The following ATP6V0A2 variants were observed in gnomAD, a reference collection of about 807,000 sequenced individuals.
ATP6V0A2 encodes the protein V-type proton ATPase 116 kDa subunit a 2.
ATP6V0A2 carries 58 observed loss-of-function variants against 104.4 expected under a neutral mutation model. The ratio of observed to expected loss-of-function variants is 0.56; its 90% CI spans 0.45 to 0.69. The LOEUF is 0.69. Among genes scored for constraint, ATP6V0A2 ranks in the 30% least tolerant of loss-of-function variants. The pLI is 0.00. For synonymous variants in ATP6V0A2, 376 were observed against 397.9 expected, an observed-to-expected ratio of 0.95 and a Z score of 0.65; for missense variants, 938 against 1,062.9, an observed-to-expected ratio of 0.88 and a Z score of 1.63.
At chr12:123,738,351 G>A (rs1186689767) in intron 9 of ATP6V0A2, among the ~76,000 whole-genome samples, 1 of 151,168 alleles carries the variant, frequency 6.6e-6, no homozygotes, top group Non-Finnish European at 1.5e-5. Context: ...CCAAGATGGC[G>A]CCATTGCACT....
At chr12:123,716,662 G>C (rs1305289993) in intron 1 of ATP6V0A2, among the ~76,000 whole-genome samples, 1 of 151,002 alleles carries the variant, frequency 6.6e-6, no homozygotes, top group Non-Finnish European at 1.5e-5. Flanking sequence ...GTGGTGGCAC[G>C]TGCCTTTAAT....
At chr12:123,716,617 C>A (rs1207877894) in intron 1 of ATP6V0A2, among the ~76,000 whole-genome samples, 2 of 151,766 alleles carry the variant, frequency 1.3e-5, no homozygotes, top group African/African-American at 4.8e-5. Flanking sequence ...ATGGCGAAAC[C>A]CCATCTCTAC....
intron 6 of ATP6V0A2, among the ~76,000 whole-genome samples, chr12:123,729,322 G>GTTTTTTT (rs71308012): frequency 1.8e-5 from 2 of 113,890 alleles, no homozygotes; most frequent in South Asian, 3.0e-4. Context: ...CAAGGAGGCT[G>GTTTTTTT]TTTTTTTTTT....
chr12:123,720,972 GTTTCT>G (rs1488536404), intron 2 of ATP6V0A2, among the ~76,000 whole-genome samples: 2 of 152,012 alleles, frequency 1.3e-5, no homozygotes, highest in Admixed American at 6.6e-5. Flanking sequence ...TGGTAAGACA[GTTTCT>G]TTTCTTTTTC....
chr12:123,720,439 A>G (rs6488900), intron 2 of ATP6V0A2, among the ~76,000 whole-genome samples: 100,791 of 151,834 alleles, frequency 0.66, 33,785 homozygotes, highest in East Asian at 0.95. Flanking sequence ...GCTCACGCCT[A>G]TAATTCCAGC....
At chr12:123,718,919 A>AT (rs1956370224) in intron 2 of ATP6V0A2, among the ~76,000 whole-genome samples, 1 of 152,060 alleles carries the variant, frequency 6.6e-6, no homozygotes, top group African/African-American at 2.4e-5. Context: ...TGGCCTGGTT[A>AT]TTTTGTTGTT....
chr12:123,722,995 G>A (rs998801503), intron 3 of ATP6V0A2, among the ~76,000 whole-genome samples: 2 of 152,114 alleles, frequency 1.3e-5, no homozygotes, highest in Non-Finnish European at 2.9e-5. Flanking sequence ...ATGTGTCCCC[G>A]GTGAGAACAC....
In ATP6V0A2 at chr12:123,759,992, T is replaced by G. The variant is rs968558231; in HGVS notation, c.*1960T>G. 6.6e-6 allele frequency: 1 copy of G among 152,206 alleles called. No individual in the cohort carries two copies. Among genetic ancestry groups the G allele is most frequent in the Admixed American group, 6.5e-5 (1 of 15,282 alleles). 9.4% of individuals were successfully genotyped at this position (152,206 alleles called of 1,614,324 possible). ...GACTATGACATCCCAGCAGTGCTGG[T>G]CAGGTCTCAGAGTTGCTTTCACCTA... On this transcript the variant is annotated 3_prime_UTR_variant, in exon 20 of 20. Transcript: ENST00000330342.
intron 9 of ATP6V0A2, 28 bp downstream of exon 9, chr12:123,737,299 G>A: frequency 6.2e-7 from 1 of 1,603,638 alleles, no homozygotes; most frequent in Non-Finnish European, 8.5e-7. Context: ...TCCTCTGCCA[G>A]GAACAGAAGA....
At chr12:123,726,928 A>T (rs1024187149) in intron 5 of ATP6V0A2, among the ~76,000 whole-genome samples, 35 of 152,356 alleles carry the variant, frequency 2.3e-4, no homozygotes, top group African/African-American at 8.2e-4. Flanking sequence ...TGTGCCAGGA[A>T]TGTGAATTTA....
At chr12:123,748,373 G>A (rs182445895) in intron 14 of ATP6V0A2, among the ~76,000 whole-genome samples, 5 of 152,190 alleles carry the variant, frequency 3.3e-5, no homozygotes, top group Admixed American at 1.3e-4. Flanking sequence ...AGATTTGACC[G>A]CAAAAACTGT....
At chr12:123,730,168 C>G (rs1464270930) in intron 6 of ATP6V0A2, among the ~76,000 whole-genome samples, 10 of 150,788 alleles carry the variant, frequency 6.6e-5, no homozygotes, top group Non-Finnish European at 5.9e-5. Flanking sequence ...CATTCTCCTG[C>G]CTCAGCCTCT....
rs747476376 is a variant in ATP6V0A2 at position 123,722,382 on chromosome 12, T to C, written c.228T>C (p.Asp76=). The C allele has an allele frequency of 6.2e-7, 1 of 1,611,666 alleles. No individual in the cohort carries two copies. Among genetic ancestry groups the C allele is most frequent in the Non-Finnish European group, 8.5e-7 (1 of 1,177,714 alleles). Residue 76 remains aspartate, a synonymous_variant, in exon 3 of 20, where the codon GAT becomes GAC. Transcript: ENST00000330342. ...TGGTACAGGAAATTAATAGAGCTGATATTCCCCTTCCTGAAGGAGAGGCCA... is the reference window on the plus strand; with the variant it reads ...TGGTACAGGAAATTAATAGAGCTGACATTCCCCTTCCTGAAGGAGAGGCCA... The part of the protein sequence containing the change: ...VYLVQEINRA[D]IPLPEGEASP...
Position 123,760,856 on chromosome 12 carries a change from T to G in ATP6V0A2, c.*2824T>G, listed in dbSNP as rs1449773192. The G allele has an allele frequency of 1.3e-5, 2 of 152,212 alleles. No homozygotes were observed. The highest frequency in any genetic ancestry group is 2.9e-5 in the Non-Finnish European group (2 of 68,030). 9.4% of individuals were successfully genotyped at this position (152,212 alleles called of 1,614,324 possible). ...GCTGCTCTGTTTCTGGAATGGATAT[T>G]TTATAACAACATTCTGGTGTCAGCA... On this transcript the variant is annotated 3_prime_UTR_variant, in exon 20 of 20. Coordinates refer to ENST00000330342, the MANE Select transcript of ATP6V0A2 (RefSeq NM_012463.4).
intron 3 of ATP6V0A2, 118 bp from the exon 4 acceptor site, chr12:123,724,536 A>G (rs1956429809): frequency 8.5e-7 from 1 of 1,169,768 alleles, no homozygotes; most frequent in East Asian, 2.5e-5. Flanking sequence ...CTCAAAAAAA[A>G]AAAAAAGAAA....
At chr12:123,747,555 C>T in intron 13 of ATP6V0A2, 52 bp from the exon 14 acceptor site, 1 of 1,178,946 alleles carries the variant, frequency 8.5e-7, no homozygotes, top group South Asian at 1.2e-5. Context: ...TTGAGTGTCA[C>T]CTGTTGAAGG....
intron 9 of ATP6V0A2, among the ~76,000 whole-genome samples, chr12:123,738,606 A>G (rs990298430): frequency 5.9e-5 from 9 of 152,172 alleles, no homozygotes; most frequent in African/African-American, 2.2e-4. Context: ...TGTTTTGGCC[A>G]TGCAGAAGTT....
intron 5 of ATP6V0A2, 74 bp from the exon 6 acceptor site, chr12:123,727,709 T>G (rs1956461417): frequency 1.9e-6 from 3 of 1,576,398 alleles, no homozygotes; most frequent in Non-Finnish European, 2.6e-6. Flanking sequence ...AAATGAAGTC[T>G]TCATCATTCT....
At chr12:123,719,342 C>G (rs967771124) in intron 2 of ATP6V0A2, among the ~76,000 whole-genome samples, 5 of 151,562 alleles carry the variant, frequency 3.3e-5, no homozygotes, top group African/African-American at 1.2e-4. Context: ...GACATTCTCA[C>G]TGAAGTGGAG....
Sources: allele counts gnomAD v4.1 joint callset (sites outside exome capture counted in the v4.1 genomes callset), GRCh38; gene constraint gnomAD v4.1.1; transcripts MANE v1.5; gene names NCBI Gene and HGNC (gene_info 2026-07-23, HGNC 2026-07-21).